The following TDO2 variants were observed in gnomAD, a reference collection of about 807,000 sequenced individuals.
The protein encoded by TDO2 is tryptophan 2,3-dioxygenase.
TDO2 carries 63 observed loss-of-function variants against 61.2 expected under a neutral mutation model. The ratio of observed to expected loss-of-function variants is 1.03; its 90% CI spans 0.84 to 1.27. TDO2 has a LOEUF of 1.27. TDO2 is among the 50% of genes most tolerant of loss of function. The pLI, the probability that TDO2 is intolerant of heterozygous loss-of-function variation, is 0.00. For missense variants in TDO2, 494 were observed against 469.5 expected, an observed-to-expected ratio of 1.05 and a Z score of -0.48; for synonymous variants, 183 against 164.0, an observed-to-expected ratio of 1.12 and a Z score of -0.89.
intron 9 of TDO2, among the ~76,000 whole-genome samples, chr4:155,916,990 C>A (rs367766420): frequency 0.02 from 2,429 of 123,248 alleles, 35 homozygotes; most frequent in African/African-American, 0.043. Context: ...ACAAAAAAAA[C>A]AAAACAAAAA....
intron 9 of TDO2, 73 bp downstream of exon 9, chr4:155,915,985 C>G: frequency 3.2e-6 from 4 of 1,250,150 alleles, no homozygotes; most frequent in Non-Finnish European, 4.5e-6. Flanking sequence ...AGTATAAAGC[C>G]TAAAAATTAC....
Position 155,911,513 on chromosome 4 carries a change from C to T in TDO2, c.635C>T (p.Thr212Ile). Reference protein sequence around the residue: ...LELVEAWLERTPGLEPHGFNF... With the variant: ...LELVEAWLERIPGLEPHGFNF... Reference sequence around the variant, plus strand: ...TTATTTAAGGCATGGCTGGAAAGAACTCCAGGTTTAGAGCCACATGGATTT... The same window carrying T: ...TTATTTAAGGCATGGCTGGAAAGAATTCCAGGTTTAGAGCCACATGGATTT... The change falls in exon 7 of 12, where the codon ACT (threonine) becomes ATT (isoleucine). Residue 212 changes from threonine to isoleucine, a missense_variant. Transcript: ENST00000536354. 1.3e-6 allele frequency: 2 copies of T among 1,587,516 alleles called. No homozygotes were observed. Among genetic ancestry groups the T allele is most frequent in the Non-Finnish European group, 8.6e-7 (1 of 1,163,924 alleles).
At chr4:155,913,417 C>T (rs186412732) in intron 7 of TDO2, among the ~76,000 whole-genome samples, 1 of 152,106 alleles carries the variant, frequency 6.6e-6, no homozygotes, top group East Asian at 1.9e-4. Flanking sequence ...TCTTCCCCAA[C>T]TAACTCCTTC....
At chr4:155,911,751 T>C in intron 7 of TDO2, 147 bp downstream of exon 7, 1 of 526,042 alleles carries the variant, frequency 1.9e-6, no homozygotes, top group Non-Finnish European at 3.2e-6. Flanking sequence ...GTGACATGAT[T>C]GATTTCATTT....
chr4:155,911,239 T>C (rs2110874038), intron 6 of TDO2, among the ~76,000 whole-genome samples: 1 of 152,138 alleles, frequency 6.6e-6, no homozygotes, highest in East Asian at 1.9e-4. Context: ...ACAATTGGAA[T>C]TTCTGTAATC....
At chr4:155,919,783 A>G in intron 11 of TDO2, 54 bp from the exon 12 acceptor site, 1 of 1,484,594 alleles carries the variant, frequency 6.7e-7, no homozygotes, top group Admixed American at 2.4e-5. Context: ...TAATTGAAAA[A>G]TTTAAATATT....
rs751012315 is a variant in TDO2, at chr4:155,909,015, G to A, written c.431+1G>A. 58 of 1,596,846 alleles carry A rather than the reference G, an allele frequency of 3.6e-5. No homozygotes were observed. The highest frequency in any genetic ancestry group is 4.6e-5 in the Non-Finnish European group (54 of 1,173,976). Reference sequence around the variant, plus strand: ...CAGCCTTGGACTTCAATGACTTCAGGTGTGCACATTTGGCATTTTAAAAAA... The same window carrying A: ...CAGCCTTGGACTTCAATGACTTCAGATGTGCACATTTGGCATTTTAAAAAA... On this transcript the variant is annotated splice_donor_variant, in intron 5 of 11. Coordinates refer to ENST00000536354, the MANE Select transcript of TDO2 (RefSeq NM_005651.4). LOFTEE classifies it high-confidence loss of function.
chr4:155,915,852 C>T lies in TDO2; in HGVS notation c.839-3C>T. On this transcript the variant is annotated splice_region_variant and splice_polypyrimidine_tract_variant and intron_variant, in intron 8 of 11. Coordinates refer to ENST00000536354, the MANE Select transcript of TDO2 (RefSeq NM_005651.4). ...AAATTTAAATTTAGTATGTATTTTG[C>T]AGGTGAAAGACGGCTGTCATACAGA... 1.2e-6 allele frequency: 2 copies of T among 1,605,212 alleles called. No individual in the cohort carries two copies. Among genetic ancestry groups the T allele is most frequent in the East Asian group, 2.2e-5 (1 of 44,484 alleles).
At position 155,917,488 on chromosome 4, in the gene TDO2, A is replaced by T. The variant is rs1742964333; in HGVS notation, c.976+14A>T. ...CCAAATGGAGATGTAAGTCCTTCCC[A>T]CTCACCCCATGTTGCTTCCCCACAT... is the stretch of plus-strand genomic sequence containing the variant. On this transcript the variant is annotated intron_variant, in intron 10 of 11. Transcript: ENST00000536354. 1 of 1,595,846 alleles carries T rather than the reference A, an allele frequency of 6.3e-7. No homozygotes were observed. The highest frequency in any genetic ancestry group is 8.5e-7 in the Non-Finnish European group (1 of 1,171,816).
chr4:155,904,173 A>G (rs1170292835), intron 2 of TDO2, 50 bp downstream of exon 2: 4 of 1,328,368 alleles, frequency 3.0e-6, no homozygotes, highest in African/African-American at 2.9e-5. Context: ...TAGGCACTCA[A>G]TTCTGCCAAG....
At chr4:155,915,632 A>T (rs895745169) in intron 8 of TDO2, among the ~76,000 whole-genome samples, 5 of 152,224 alleles carry the variant, frequency 3.3e-5, no homozygotes, top group African/African-American at 1.2e-4. Flanking sequence ...TTGAAAATTT[A>T]AAATATGTAC....
chr4:155,917,917 A>G (rs1165256241), intron 10 of TDO2, among the ~76,000 whole-genome samples: 1 of 152,132 alleles, frequency 6.6e-6, no homozygotes, highest in South Asian at 2.1e-4. Flanking sequence ...TATTGTATCC[A>G]TGGGCTAAAT....
rs1383778352 is a variant in TDO2, at chr4:155,911,515, C to A, written c.637C>A (p.Pro213Thr). ...ATTTAAGGCATGGCTGGAAAGAACT[C>A]CAGGTTTAGAGCCACATGGATTTAA... ...ELVEAWLERT[P>T]GLEPHGFNFW... Residue 213 changes from proline (P) to threonine (T), a missense_variant, in exon 7 of 12, where the codon CCA becomes ACA. Physicochemically the swap from Pro to Thr is conservative, Grantham distance 38 (BLOSUM62 -1). Transcript: ENST00000536354. 6.3e-7 allele frequency: 1 copy of A among 1,598,490 alleles called. No homozygotes were observed. The highest frequency in any genetic ancestry group is 1.7e-5 in the Admixed American group (1 of 58,592).
chr4:155,917,576 C>A, intron 10 of TDO2, 102 bp downstream of exon 10: 1 of 960,728 alleles, frequency 1.0e-6, no homozygotes, highest in Non-Finnish European at 1.5e-6. Flanking sequence ...CTCTCTTTCC[C>A]CCTCCTTTGT....
rs998280861 is a variant in TDO2 at position 155,908,876 on chromosome 4, T to C, written c.304-11T>C. 4 of 1,607,474 alleles carry C rather than the reference T, an allele frequency of 2.5e-6. No homozygotes were observed. The highest frequency in any genetic ancestry group is 1.3e-5 in the African/African-American group (1 of 74,622). On this transcript the variant is annotated splice_polypyrimidine_tract_variant and intron_variant, in intron 4 of 11. Transcript: ENST00000536354. ...CATTGCTAACTCAGTGTTTCATTTC[T>C]TAACCTTCAGGTCAGAGATGAAAGG...
chr4:155,906,189 A>G (rs928152333), intron 3 of TDO2: 1 of 152,172 alleles, frequency 6.6e-6, no homozygotes, highest in African/African-American at 2.4e-5. Context: ...TCCTAGGAAG[A>G]TAAATAAGAT....
chr4:155,907,680 G>T (rs371718503), intron 3 of TDO2, 42 bp from the exon 4 acceptor site: 6 of 1,361,560 alleles, frequency 4.4e-6, no homozygotes, highest in Non-Finnish European at 6.2e-6. Flanking sequence ...GGCCAAAAAG[G>T]CTCCCATAAC....
chr4:155,907,586 T>C (rs1742740402), intron 3 of TDO2, 136 bp from the exon 4 acceptor site: 1 of 597,512 alleles, frequency 1.7e-6, no homozygotes, highest in Non-Finnish European at 3.0e-6. Context: ...TGGCACACAA[T>C]GGGACTATAT....
chr4:155,919,752 AT>A (rs1161561347), intron 11 of TDO2, 84 bp from the exon 12 acceptor site: 48 of 1,205,710 alleles, frequency 4.0e-5, no homozygotes, highest in Non-Finnish European at 5.4e-5. Flanking sequence ...ACTATGGAAA[AT>A]ATCTGAGAAA....
Sources: allele counts gnomAD v4.1 joint callset (sites outside exome capture counted in the v4.1 genomes callset), GRCh38; gene constraint gnomAD v4.1.1; transcripts MANE v1.5; gene names NCBI Gene and HGNC (gene_info 2026-07-23, HGNC 2026-07-21).